ASTN2: variants seen among roughly 807,000 people sequenced by gnomAD.
The protein encoded by ASTN2 is astrotactin-2.
A neutral mutation model predicts 139.8 loss-of-function variants in ASTN2; 54 were observed. That is an observed-to-expected ratio of 0.39 (90% CI 0.31 to 0.48). The LOEUF is 0.48. Among genes scored for constraint, ASTN2 ranks in the 20% least tolerant of loss-of-function variants. ASTN2 has a pLI of 0.95. For synonymous variants in ASTN2, 756 were observed against 719.5 expected (o/e 1.05, Z -0.81); for missense variants, 1,565 against 1,725.1 (o/e 0.91, Z 1.64).
chr9:116,425,991 G>T lies in ASTN2; in HGVS notation c.3880C>A (p.Pro1294Thr). ...AYIQSRVETV[P>T]YLFCRSEEVR... ...TCCTCGCTGCGGCAGAAAAGATAGG[G>T]CACTGTTTCCACGCGGCTCTGGATG... is the stretch of plus-strand genomic sequence containing the variant. Residue 1294 changes from proline (P) to threonine (T), a missense_variant, in exon 23 of 23, where the codon CCC (proline) becomes ACC (threonine). Coordinates refer to ENST00000313400, the MANE Select transcript of ASTN2 (RefSeq NM_001365068.1). 6.2e-7 allele frequency: 1 copy of T among 1,614,178 alleles called. No individual in the cohort carries two copies. The highest frequency in any genetic ancestry group is 1.1e-5 in the South Asian group (1 of 91,080).
chr9:116,929,833 C>T (rs1396113547), intron 10 of ASTN2, among the ~76,000 whole-genome samples: 12 of 152,166 alleles, frequency 7.9e-5, no homozygotes, highest in Non-Finnish European at 1.6e-4. Context: ...TCTTTCCATG[C>T]TAAATGGAGG....
At position 117,229,029 on chromosome 9, in the gene ASTN2, C is replaced by CA. The variant is rs199648197; in HGVS notation, c.631-14288dup. On this transcript the variant is annotated intron_variant, in intron 2 of 22. Transcript: ENST00000313400. ...AAAAAACAAAACAAAACAAAACAAACAAAAAAAACCATGAAGTTCAATATC... is the reference window on the plus strand; with the variant it reads ...AAAAAACAAAACAAAACAAAACAAACAAAAAAAAACCATGAAGTTCAATATC... Among the ~76,000 whole-genome samples, 77 of 136,198 alleles carry CA rather than the reference C, an allele frequency of 5.7e-4. 2 individuals carry two copies. The East Asian group carries it at 0.015, about 27-fold the overall frequency. 89.4% of individuals were successfully genotyped at this position (136,198 alleles called of 152,430 possible). A position where few individuals can be genotyped will look rare whatever the true frequency, so the allele number is the denominator to read the frequency against.
chr9:117,353,076 T>C (rs1482260618), intron 1 of ASTN2, among the ~76,000 whole-genome samples: 4 of 152,154 alleles, frequency 2.6e-5, no homozygotes, highest in Admixed American at 2.6e-4. Flanking sequence ...TGAAAAAGTG[T>C]TGGAAATACA....
At position 116,560,938 on chromosome 9, in the gene ASTN2, G is replaced by GT. The variant is rs369994042; in HGVS notation, c.3355+57385dup. The stretch of plus-strand genomic sequence containing the variant: ...GGTATTTGGCAAAGCAGCCAGGAAA[G>GT]TTTCCACAAGAACAAAGAAAAATGT... On this transcript the variant is annotated intron_variant, in intron 19 of 22. Transcript: ENST00000313400. Among the ~76,000 whole-genome samples the GT allele has an allele frequency of 1.4e-3, 220 of 152,320 alleles. 2 individuals carry two copies. Among genetic ancestry groups the GT allele is most frequent in the African/African-American group, 5.1e-3 (211 of 41,580 alleles).
intron 19 of ASTN2, among the ~76,000 whole-genome samples, chr9:116,559,584 G>T (rs2131658854): frequency 6.6e-6 from 1 of 152,272 alleles, no homozygotes; most frequent in East Asian, 1.9e-4. Context: ...CAACGAGAAT[G>T]TTACAAAATA....
intron 11 of ASTN2, among the ~76,000 whole-genome samples, chr9:116,830,236 C>T (rs888643385): frequency 1.3e-5 from 2 of 152,070 alleles, no homozygotes; most frequent in African/African-American, 4.8e-5. Flanking sequence ...AAAAAATGTT[C>T]AACATTACTA....
intron 2 of ASTN2, among the ~76,000 whole-genome samples, chr9:117,267,059 G>A (rs553973915): frequency 3.2e-4 from 48 of 152,244 alleles, no homozygotes; most frequent in Admixed American, 6.5e-5. Flanking sequence ...ATAATTAGTC[G>A]GTTGATACCA....
At chr9:116,446,255 G>GGA (rs373227100) in intron 20 of ASTN2, among the ~76,000 whole-genome samples, 19 of 114,006 alleles carry the variant, frequency 1.7e-4, no homozygotes, top group South Asian at 3.4e-4. Flanking sequence ...GAGGGGAGAG[G>GGA]GAGAGAGAGA....
intron 11 of ASTN2, among the ~76,000 whole-genome samples, chr9:116,841,223 G>A (rs1394465554): frequency 2.0e-5 from 3 of 152,148 alleles, no homozygotes; most frequent in Admixed American, 1.3e-4. Flanking sequence ...AAGAAAATAC[G>A]AAAACCAGTC....
chr9:116,530,076 G>A, intron 19 of ASTN2, among the ~76,000 whole-genome samples: 1 of 120,194 alleles, frequency 8.3e-6, no homozygotes, highest in Admixed American at 9.8e-5. Flanking sequence ...TTCATCAGTG[G>A]ATGAATGGAT....
chr9:117,362,717 C>T (rs1004304508), intron 1 of ASTN2, among the ~76,000 whole-genome samples: 3 of 152,158 alleles, frequency 2.0e-5, no homozygotes, highest in African/African-American at 7.2e-5. Flanking sequence ...ACCACCACCA[C>T]CACTGTGCCC....
chr9:117,260,517 A>T, intron 2 of ASTN2, among the ~76,000 whole-genome samples: 1 of 152,128 alleles, frequency 6.6e-6, no homozygotes, highest in East Asian at 1.9e-4. Context: ...CTTATCAAAA[A>T]CCATATACAA....
chr9:116,478,676 T>C lies in ASTN2; in HGVS notation c.3497+8683A>G, dbSNP rs761254237. On this transcript the variant is annotated intron_variant, in intron 20 of 22. Coordinates refer to ENST00000313400, the MANE Select transcript of ASTN2 (RefSeq NM_001365068.1). ...CAGTTGCCAGGGGCTGGTGTCTGTC[T>C]TCTTGCCCCCATCATCTTTTGAAAT... Among the ~76,000 whole-genome samples, 96 of 152,272 alleles carry C rather than the reference T, an allele frequency of 6.3e-4. 1 individual carries two copies. The highest frequency in any genetic ancestry group is 1.8e-3 in the Admixed American group (27 of 15,300).
At chr9:116,661,810 C>T (rs1271538988) in intron 16 of ASTN2, among the ~76,000 whole-genome samples, 2 of 151,738 alleles carry the variant, frequency 1.3e-5, no homozygotes, top group Non-Finnish European at 2.9e-5. Flanking sequence ...GGGAATTGAA[C>T]AATGAGAACA....
At chr9:116,440,490 G>A (rs1847808721) in intron 22 of ASTN2, 119 bp downstream of exon 22, 1 of 930,266 alleles carries the variant, frequency 1.1e-6, no homozygotes, top group South Asian at 1.8e-5. Flanking sequence ...CACGACCAAG[G>A]TGATAATCAC....
intron 5 of ASTN2, among the ~76,000 whole-genome samples, chr9:117,071,623 T>G (rs1828130775): frequency 1.3e-5 from 2 of 149,608 alleles, no homozygotes; most frequent in South Asian, 4.4e-4. Flanking sequence ...GCTGCCGCCT[T>G]GCAGTTTGAT....
intron 13 of ASTN2, among the ~76,000 whole-genome samples, chr9:116,795,545 C>T (rs1298241778): frequency 6.6e-6 from 1 of 152,210 alleles, no homozygotes; most frequent in East Asian, 1.9e-4. Context: ...CTGTCCACTT[C>T]CCATGACCCT....
At chr9:117,410,213 A>G (rs1045543776) in intron 1 of ASTN2, among the ~76,000 whole-genome samples, 6 of 152,166 alleles carry the variant, frequency 3.9e-5, no homozygotes, top group Non-Finnish European at 7.3e-5. Context: ...CCTGACCACT[A>G]TCAAGCACAG....
chr9:117,146,026 C>G (rs1830186259), intron 3 of ASTN2, among the ~76,000 whole-genome samples: 1 of 152,182 alleles, frequency 6.6e-6, no homozygotes, highest in South Asian at 2.1e-4. Flanking sequence ...TTTGGCTGCT[C>G]TTGCCTCAGT....
Sources: allele counts gnomAD v4.1 joint callset (sites outside exome capture counted in the v4.1 genomes callset), GRCh38; gene constraint gnomAD v4.1.1; transcripts MANE v1.5; gene names NCBI Gene and HGNC (gene_info 2026-07-23, HGNC 2026-07-21).